The following TSHZ2 variants were observed in gnomAD, a reference collection of about 807,000 sequenced individuals.
The protein encoded by TSHZ2 is teashirt homolog 2.
TSHZ2 carries 21 observed loss-of-function variants against 74.4 expected under a neutral mutation model. The ratio of observed to expected loss-of-function variants is 0.28; its 90% CI spans 0.20 to 0.41. TSHZ2 has a LOEUF of 0.41. Among genes scored for constraint, TSHZ2 ranks in the 10% least tolerant of loss-of-function variants. The probability of loss-of-function intolerance (pLI) is 1.00; values close to 1 mark genes in which losing one functional copy is unlikely to be tolerated. For missense variants in TSHZ2, 1,244 were observed against 1,293.5 expected, an observed-to-expected ratio of 0.96 and a Z score of 0.59; for synonymous variants, 540 against 515.3, an observed-to-expected ratio of 1.05 and a Z score of -0.65.
At chr20:53,311,897 C>T (rs1314855503) in intron 2 of TSHZ2, among the ~76,000 whole-genome samples, 2 of 152,064 alleles carry the variant, frequency 1.3e-5, no homozygotes, top group Non-Finnish European at 2.9e-5. Flanking sequence ...GCCTTGGAAA[C>T]ATAGGGAGAT....
At chr20:53,270,140 G>A (rs6097322) in intron 2 of TSHZ2, among the ~76,000 whole-genome samples, 38,399 of 151,796 alleles carry the variant, frequency 0.25, 8,851 homozygotes, top group African/African-American at 0.61. Context: ...TTGTGCCCAC[G>A]CCTGGCTTCT....
intron 1 of TSHZ2, among the ~76,000 whole-genome samples, chr20:53,050,581 T>A (rs1408846452): frequency 1.3e-5 from 2 of 152,236 alleles, no homozygotes; most frequent in African/African-American, 4.8e-5. Flanking sequence ...AGCTGTGTAA[T>A]GTCAGCAGAG....
chr20:53,311,238 T>G (rs1331319350), intron 2 of TSHZ2, among the ~76,000 whole-genome samples: 1 of 152,248 alleles, frequency 6.6e-6, no homozygotes, highest in Non-Finnish European at 1.5e-5. Context: ...TGCACTTATT[T>G]TGTGTATTAC....
chr20:53,379,384 AAAAT>A (rs1193868717), intron 2 of TSHZ2, among the ~76,000 whole-genome samples: 2 of 152,252 alleles, frequency 1.3e-5, no homozygotes, highest in Non-Finnish European at 1.5e-5. Flanking sequence ...CCTGTCTCAA[AAAAT>A]AAATAAGTAA....
At chr20:53,009,222 C>T (rs1982764766) in intron 1 of TSHZ2, among the ~76,000 whole-genome samples, 1 of 152,032 alleles carries the variant, frequency 6.6e-6, no homozygotes, top group South Asian at 2.1e-4. Context: ...CCTGTGATCC[C>T]AGCTACTCAG....
chr20:53,286,319 T>A (rs1297615274), intron 2 of TSHZ2, among the ~76,000 whole-genome samples: 5 of 152,218 alleles, frequency 3.3e-5, no homozygotes, highest in African/African-American at 1.2e-4. Context: ...ACTTTACAGT[T>A]AGAGACGTCA....
chr20:53,356,111 A>C (rs1980836986), intron 2 of TSHZ2, among the ~76,000 whole-genome samples: 1 of 152,326 alleles, frequency 6.6e-6, no homozygotes, highest in South Asian at 2.1e-4. Context: ...TGCTACGAAG[A>C]CATTGAGAGA....
chr20:53,412,487 C>T (rs973809411), intron 2 of TSHZ2: 3 of 152,230 alleles, frequency 2.0e-5, no homozygotes. Context: ...TAAGTGAATA[C>T]AAACTGTTCC....
rs1568810805 is a variant in TSHZ2 at position 53,204,105 on chromosome 20, T to TACTATATCATCATATGATGATATG, written c.41-49393_41-49392insCTATATCATCATATGATGATATGA. 1.4e-3 allele frequency among the ~76,000 whole-genome samples: 134 copies of TACTATATCATCATATGATGATATG among 97,946 alleles called. 2 individuals carry two copies. Among genetic ancestry groups the TACTATATCATCATATGATGATATG allele is most frequent in the Middle Eastern group, 0.013 (1 of 80 alleles). The allele number at this position is 97,946 out of a possible 152,430, so 64.3% of individuals were successfully genotyped here. A position where few individuals can be genotyped will look rare whatever the true frequency, so the allele number is the denominator to read the frequency against. ...TTTATATCATCATATGATGATATGA[T>TACTATATCATCATATGATGATATG]ATACTATATCATCATATGATGATAT... On this transcript the variant is annotated intron_variant, in intron 1 of 2. Transcript: ENST00000371497.
intron 2 of TSHZ2, among the ~76,000 whole-genome samples, chr20:53,407,085 C>A (rs1175693466): frequency 6.6e-6 from 1 of 152,168 alleles, no homozygotes; most frequent in Non-Finnish European, 1.5e-5. Context: ...TGTACAGTGA[C>A]CCCTGACGAA....
chr20:53,203,488 G>T (rs56290013), intron 1 of TSHZ2, among the ~76,000 whole-genome samples: 16,109 of 151,948 alleles, frequency 0.11, 999 homozygotes, highest in African/African-American at 0.18. Flanking sequence ...CATTGATTTG[G>T]CATGGGGGTC....
At chr20:53,213,697 CT>C (rs11480283) in intron 1 of TSHZ2, among the ~76,000 whole-genome samples, 1,792 of 145,212 alleles carry the variant, frequency 0.012, 33 homozygotes, top group African/African-American at 0.039. Context: ...ACTAATTGGA[CT>C]TTTTTTTTTT....
At chr20:53,015,131 A>G (rs1982987776) in intron 1 of TSHZ2, among the ~76,000 whole-genome samples, 1 of 152,058 alleles carries the variant, frequency 6.6e-6, no homozygotes. Flanking sequence ...GGTTCTTCCC[A>G]TGGCCTGGCT....
chr20:53,130,889 A>C (rs1600704752), intron 1 of TSHZ2, among the ~76,000 whole-genome samples: 1 of 152,232 alleles, frequency 6.6e-6, no homozygotes, highest in African/African-American at 2.4e-5. Context: ...GTGCCATTTT[A>C]GGCAAGTCAC....
At chr20:53,033,534 TG>T (rs1384556320) in intron 1 of TSHZ2, among the ~76,000 whole-genome samples, 1 of 151,952 alleles carries the variant, frequency 6.6e-6, no homozygotes. Context: ...AAGGAGCAGA[TG>T]GGATTGTATA....
At chr20:53,325,983 A>G (rs1243845010) in intron 2 of TSHZ2, among the ~76,000 whole-genome samples, 2 of 152,028 alleles carry the variant, frequency 1.3e-5, no homozygotes, top group East Asian at 1.9e-4. Context: ...GGATTTTACC[A>G]TGTTGGCTAG....
chr20:53,466,499 G>A (rs769899567), intron 2 of TSHZ2, among the ~76,000 whole-genome samples: 4 of 152,130 alleles, frequency 2.6e-5, no homozygotes, highest in Admixed American at 6.5e-5. Flanking sequence ...TGTTGTTGGC[G>A]GTTTGGACTT....
intron 2 of TSHZ2, among the ~76,000 whole-genome samples, chr20:53,414,288 GTAC>G: frequency 6.6e-6 from 1 of 152,160 alleles, no homozygotes; most frequent in Non-Finnish European, 1.5e-5. Context: ...CTAAGTTCTT[GTAC>G]TGTTTTTTCC....
At chr20:53,093,574 C>G (rs937960411) in intron 1 of TSHZ2, among the ~76,000 whole-genome samples, 5 of 152,198 alleles carry the variant, frequency 3.3e-5, no homozygotes, top group African/African-American at 1.2e-4. Flanking sequence ...ACTTTCTTTT[C>G]CAGAATGTTC....
Sources: allele counts gnomAD v4.1 joint callset (sites outside exome capture counted in the v4.1 genomes callset), GRCh38; gene constraint gnomAD v4.1.1; transcripts MANE v1.5; gene names NCBI Gene and HGNC (gene_info 2026-07-23, HGNC 2026-07-21).